ERBB4: variants seen among roughly 807,000 people sequenced by gnomAD.
ERBB4 encodes the protein receptor tyrosine-protein kinase erbB-4.
A neutral mutation model predicts 158.0 loss-of-function variants in ERBB4; 42 were observed. That is an observed-to-expected ratio of 0.27 (90% CI 0.21 to 0.34). ERBB4 has a LOEUF of 0.34. Among genes scored for constraint, ERBB4 ranks in the 10% least tolerant of loss-of-function variants. The pLI is 1.00. For missense variants in ERBB4, 1,333 were observed against 1,624.1 expected (o/e 0.82, Z 3.08); for synonymous variants, 583 against 558.7 (o/e 1.04, Z -0.61).
chr2:211,930,701 T>G (rs1330277961), intron 3 of ERBB4, among the ~76,000 whole-genome samples: 3 of 152,178 alleles, frequency 2.0e-5, no homozygotes, highest in Admixed American at 2.0e-4. Context: ...ACTGGGTATT[T>G]TAATTATTTT....
At chr2:211,846,979 T>C (rs1275136287) in intron 3 of ERBB4, among the ~76,000 whole-genome samples, 3 of 152,134 alleles carry the variant, frequency 2.0e-5, no homozygotes, top group Non-Finnish European at 4.4e-5. Flanking sequence ...AGCTATAACA[T>C]GGTGGTTGGA....
At chr2:212,473,497 C>T (rs1689218974) in intron 1 of ERBB4, among the ~76,000 whole-genome samples, 1 of 152,014 alleles carries the variant, frequency 6.6e-6, no homozygotes, top group South Asian at 2.1e-4. Context: ...AACAGAAAAA[C>T]ATGAAATAGA....
At chr2:211,653,673 T>C (rs2071095344) in intron 16 of ERBB4, among the ~76,000 whole-genome samples, 1 of 141,444 alleles carries the variant, frequency 7.1e-6, no homozygotes, top group Non-Finnish European at 1.5e-5. Context: ...AATTATTTTC[T>C]TTTTTGGGGG....
At chr2:212,143,718 A>G (rs1283674196) in intron 1 of ERBB4, among the ~76,000 whole-genome samples, 1 of 152,130 alleles carries the variant, frequency 6.6e-6, no homozygotes, top group South Asian at 2.1e-4. Context: ...CTTTGTTCCA[A>G]TGGAAGTTAA....
At chr2:211,760,284 T>C (rs997188879) in intron 4 of ERBB4, among the ~76,000 whole-genome samples, 4 of 152,246 alleles carry the variant, frequency 2.6e-5, no homozygotes, top group African/African-American at 7.2e-5. Flanking sequence ...TTGGCCTGGA[T>C]TGACGTCCTA....
chr2:212,057,879 G>T (rs1049320737), intron 2 of ERBB4, among the ~76,000 whole-genome samples: 2 of 152,126 alleles, frequency 1.3e-5, no homozygotes, highest in African/African-American at 4.8e-5. Flanking sequence ...AACTGGAGAA[G>T]CAAGAGCAAA....
At chr2:212,186,435 AT>A (rs1167752210) in intron 1 of ERBB4, among the ~76,000 whole-genome samples, 1 of 152,144 alleles carries the variant, frequency 6.6e-6, no homozygotes, top group African/African-American at 2.4e-5. Context: ...AACTTGGCTA[AT>A]TTTTTATTTA....
intron 12 of ERBB4, among the ~76,000 whole-genome samples, chr2:211,696,574 G>A (rs1007700954): frequency 6.6e-6 from 1 of 152,168 alleles, no homozygotes; most frequent in African/African-American, 2.4e-5. Context: ...TTTGGCTCTA[G>A]AGTGTGCTCC....
At chr2:211,703,380 A>G (rs376179083) in intron 11 of ERBB4, among the ~76,000 whole-genome samples, 30 of 152,182 alleles carry the variant, frequency 2.0e-4, no homozygotes, top group East Asian at 7.7e-4. Flanking sequence ...ATAACTTTTA[A>G]ATTTTAATAG....
intron 1 of ERBB4, among the ~76,000 whole-genome samples, chr2:212,345,336 T>C (rs958326492): frequency 6.6e-6 from 1 of 151,582 alleles, no homozygotes; most frequent in East Asian, 1.9e-4. Flanking sequence ...TTTGTTATTA[T>C]TGCTATTCCT....
chr2:212,006,394 G>A (rs1007811843), intron 2 of ERBB4, among the ~76,000 whole-genome samples: 1 of 151,856 alleles, frequency 6.6e-6, no homozygotes, highest in African/African-American at 2.4e-5. Flanking sequence ...TCACCTCAAC[G>A]TTCTTAAATA....
intron 22 of ERBB4, among the ~76,000 whole-genome samples, chr2:211,425,694 G>A (rs982957509): frequency 6.6e-6 from 1 of 151,660 alleles, no homozygotes. Flanking sequence ...TATCTATTTT[G>A]TATTTTAGAC....
At chr2:211,523,204 G>A (rs1012865154) in intron 20 of ERBB4, among the ~76,000 whole-genome samples, 2 of 134,960 alleles carry the variant, frequency 1.5e-5, no homozygotes, top group Non-Finnish European at 3.1e-5. Context: ...AATCAGGTGA[G>A]CGCTCACAGT....
rs1338155803 is a variant in ERBB4 at position 211,474,503 on chromosome 2, A to G, written c.2488-43403T>C. 3.3e-5 allele frequency among the ~76,000 whole-genome samples: 5 copies of G among 152,086 alleles called. 1 individual carries two copies. Among genetic ancestry groups the G allele is most frequent in the Admixed American group, 6.6e-5 (1 of 15,234 alleles). ...AACTTTAAAGAAGTTAATTATTATG[A>G]GGTAGATAGAATCTAGGATGATTCA... On this transcript the variant is annotated intron_variant, in intron 20 of 27. Coordinates refer to ENST00000342788, the MANE Select transcript of ERBB4 (RefSeq NM_005235.3).
chr2:212,159,155 C>T (rs1222322405), intron 1 of ERBB4, among the ~76,000 whole-genome samples: 1 of 151,796 alleles, frequency 6.6e-6, no homozygotes, highest in Non-Finnish European at 1.5e-5. Flanking sequence ...TCCACAAACA[C>T]ATGGACTTAG....
chr2:212,425,234 TAAA>T, intron 1 of ERBB4, among the ~76,000 whole-genome samples: 2 of 149,914 alleles, frequency 1.3e-5, no homozygotes, highest in Non-Finnish European at 3.0e-5. Context: ...TTGCTCACAT[TAAA>T]AAAATTATTT....
At chr2:212,168,754 A>G (rs2081424044) in intron 1 of ERBB4, among the ~76,000 whole-genome samples, 1 of 152,168 alleles carries the variant, frequency 6.6e-6, no homozygotes, top group African/African-American at 2.4e-5. Flanking sequence ...CATTCAGGTA[A>G]GAGAAAACTG....
intron 1 of ERBB4, among the ~76,000 whole-genome samples, chr2:212,200,661 G>T (rs562224147): frequency 6.6e-6 from 1 of 152,228 alleles, no homozygotes; most frequent in East Asian, 1.9e-4. Flanking sequence ...TGCAATACTT[G>T]TTAGTCAAAA....
chr2:211,709,269 A>ATG (rs2073590325), intron 9 of ERBB4, among the ~76,000 whole-genome samples: 5 of 140,722 alleles, frequency 3.6e-5, no homozygotes, highest in Admixed American at 1.4e-4. Context: ...ATATATATAT[A>ATG]TATATACATA....
Sources: gnomAD v4.1 joint callset for allele counts (sites outside exome capture counted in the v4.1 genomes callset) on GRCh38, gnomAD v4.1.1 for gene constraint, MANE v1.5 for transcripts, NCBI Gene and HGNC (gene_info 2026-07-23, HGNC 2026-07-21) for gene names.